PLXDC1: variants seen among roughly 807,000 people sequenced by gnomAD.
The protein encoded by PLXDC1 is plexin domain containing 1.
Under a neutral mutation model 61.3 loss-of-function variants are expected in PLXDC1, and 39 were observed. The observed-to-expected ratio is 0.64, with a 90% CI of 0.49 to 0.83. The LOEUF (loss-of-function observed/expected upper bound fraction) is 0.83. Among genes scored for constraint, PLXDC1 ranks in the 40% least tolerant of loss-of-function variants. The pLI is 0.00. For synonymous variants in PLXDC1, 212 were observed against 254.5 expected, an observed-to-expected ratio of 0.83 and a Z score of 1.59; for missense variants, 596 against 666.5, an observed-to-expected ratio of 0.89 and a Z score of 1.17.
chr17:39,076,666 C>G (rs1248241117), intron 11 of PLXDC1, among the ~76,000 whole-genome samples: 2 of 152,054 alleles, frequency 1.3e-5, no homozygotes, highest in Non-Finnish European at 2.9e-5. Flanking sequence ...AAAGAACCCA[C>G]AAGTCTTTCA....
chr17:39,147,015 G>T (rs1014724665), intron 1 of PLXDC1, among the ~76,000 whole-genome samples: 1 of 142,462 alleles, frequency 7.0e-6, no homozygotes, highest in Admixed American at 7.3e-5. Context: ...GAGTGTAGTG[G>T]CACGATCTCG....
At chr17:39,107,932 A>G in intron 5 of PLXDC1, 191 bp downstream of exon 5, 2 of 663,196 alleles carry the variant, frequency 3.0e-6, no homozygotes, top group Admixed American at 2.6e-5. Flanking sequence ...TTGTTATCTC[A>G]TCAGATTCTT....
chr17:39,074,637 C>T (rs1336777419), intron 11 of PLXDC1, among the ~76,000 whole-genome samples: 2 of 152,174 alleles, frequency 1.3e-5, no homozygotes, highest in African/African-American at 4.8e-5. Context: ...AGGCTTGGCC[C>T]CCAAGTGCTG....
chr17:39,095,691 G>A (rs1337681452), intron 7 of PLXDC1, among the ~76,000 whole-genome samples: 1 of 151,892 alleles, frequency 6.6e-6, no homozygotes, highest in Non-Finnish European at 1.5e-5. Context: ...TTGAGACAGG[G>A]TCTTGCTCTG....
At position 39,128,094 on chromosome 17, in the gene PLXDC1, T is replaced by TGC. The variant is rs1491485199; in HGVS notation, c.255+11559_255+11560insGC. Among the ~76,000 whole-genome samples, 20 of 71,090 alleles carry TGC rather than the reference T, an allele frequency of 2.8e-4. 1 individual carries two copies. The highest frequency in any genetic ancestry group is 4.1e-4 in the Non-Finnish European group (15 of 36,430). 46.6% of individuals were successfully genotyped at this position (71,090 alleles called of 152,430 possible). A position where few individuals can be genotyped will look rare whatever the true frequency, so the allele number is the denominator to read the frequency against. ...CTCTCTCTCTCTCTCTCTCTCTCTA[T>TGC]GTGTATATATATATATATATGTATA... is the stretch of plus-strand genomic sequence containing the variant. On this transcript the variant is annotated intron_variant, in intron 2 of 13. Coordinates refer to ENST00000315392, the MANE Select transcript of PLXDC1 (RefSeq NM_020405.5).
intron 5 of PLXDC1, chr17:39,107,919 G>A (rs918432603): frequency 2.5e-5 from 16 of 631,678 alleles, no homozygotes; most frequent in Admixed American, 1.9e-4. Context: ...AAGCACTGTC[G>A]TTTTGTTATC....
rs571539940 is a variant in PLXDC1 at position 39,088,823 on chromosome 17, C to T, written c.812-1121G>A. The stretch of plus-strand genomic sequence containing the variant: ...AATTAGCTGGGTGTGGTGGTACACG[C>T]CTGTAATCCCAGCTACTTGAGAGGC... On this transcript the variant is annotated intron_variant, in intron 7 of 13. Transcript: ENST00000315392. Among the ~76,000 whole-genome samples, 7 of 151,464 alleles carry T rather than the reference C, an allele frequency of 4.6e-5. No individual in the cohort carries two copies. The South Asian group carries it at 1.5e-3, about 32-fold the overall frequency.
chr17:39,096,782 T>C, intron 7 of PLXDC1: 1 of 385,504 alleles, frequency 2.6e-6, no homozygotes, highest in Non-Finnish European at 5.3e-6. Flanking sequence ...AAAGTTGCTT[T>C]TATACTAACC....
intron 2 of PLXDC1, among the ~76,000 whole-genome samples, chr17:39,111,130 C>A (rs1910785594): frequency 6.6e-6 from 1 of 152,132 alleles, no homozygotes; most frequent in Admixed American, 6.5e-5. Context: ...CTTGTGCATC[C>A]TTGTGTGCCC....
chr17:39,125,127 G>A (rs1263174156), intron 2 of PLXDC1, among the ~76,000 whole-genome samples: 1 of 152,122 alleles, frequency 6.6e-6, no homozygotes, highest in African/African-American at 2.4e-5. Context: ...AATGTCCCCT[G>A]TTATTATTTT....
chr17:39,099,035 G>C (rs558137695), intron 7 of PLXDC1, among the ~76,000 whole-genome samples: 12 of 152,228 alleles, frequency 7.9e-5, no homozygotes, highest in African/African-American at 2.9e-4. Context: ...AGGAGACAGA[G>C]GGAAGGAGGA....
At chr17:39,069,775 G>T (rs1477199954) in intron 13 of PLXDC1, 81 bp downstream of exon 13, 2 of 1,065,106 alleles carry the variant, frequency 1.9e-6, no homozygotes, top group Non-Finnish European at 1.4e-6. Flanking sequence ...AGAGGGAGAA[G>T]GGGAGAGGCA....
At chr17:39,114,535 T>C (rs935086137) in intron 2 of PLXDC1, among the ~76,000 whole-genome samples, 2 of 152,216 alleles carry the variant, frequency 1.3e-5, no homozygotes, top group Non-Finnish European at 2.9e-5. Flanking sequence ...TGTCTGCCTT[T>C]CCTGTAAGAT....
intron 5 of PLXDC1, 195 bp downstream of exon 5, chr17:39,107,928 T>C: frequency 1.5e-6 from 1 of 647,360 alleles, no homozygotes; most frequent in Non-Finnish European, 2.7e-6. Context: ...CGTTTTGTTA[T>C]CTCATCAGAT....
chr17:39,093,529 C>A (rs973798260), intron 7 of PLXDC1, among the ~76,000 whole-genome samples: 2 of 151,992 alleles, frequency 1.3e-5, no homozygotes, highest in African/African-American at 4.8e-5. Flanking sequence ...CCAGCCTGGC[C>A]AACATGGTGA....
At chr17:39,145,199 G>A (rs1912057646) in intron 1 of PLXDC1, among the ~76,000 whole-genome samples, 1 of 152,128 alleles carries the variant, frequency 6.6e-6, no homozygotes, top group Admixed American at 6.5e-5. Context: ...GTTCTTGGAG[G>A]GCCCTACTCA....
Position 39,149,381 on chromosome 17 carries a change from C to G in PLXDC1, c.76+1981G>C, listed in dbSNP as rs3025187. On this transcript the variant is annotated intron_variant, in intron 1 of 13. Transcript: ENST00000315392. ...CCTCCTTAGCAACTCTCCCCCAGAA[C>G]GTCCTTCTCCTACATCTGGCCTCCC... Among the ~76,000 whole-genome samples, 6 of 152,022 alleles carry G rather than the reference C, an allele frequency of 3.9e-5. No individual in the cohort carries two copies. The South Asian group carries it at 1.2e-3, about 32-fold the overall frequency.
chr17:39,130,536 A>G (rs1429541824), intron 2 of PLXDC1, among the ~76,000 whole-genome samples: 1 of 152,092 alleles, frequency 6.6e-6, no homozygotes, highest in East Asian at 1.9e-4. Context: ...AATGCCACTG[A>G]ATTGTTCACT....
intron 11 of PLXDC1, among the ~76,000 whole-genome samples, chr17:39,074,985 C>T (rs1054052750): frequency 1.3e-5 from 2 of 151,820 alleles, no homozygotes; most frequent in Non-Finnish European, 2.9e-5. Flanking sequence ...TTTGAGACAG[C>T]GTTTCACTTT....
Sources: allele counts gnomAD v4.1 joint callset (sites outside exome capture counted in the v4.1 genomes callset), GRCh38; gene constraint gnomAD v4.1.1; transcripts MANE v1.5; gene names NCBI Gene and HGNC (gene_info 2026-07-23, HGNC 2026-07-21).